The following NUAK2 variants were observed in gnomAD, a reference collection of about 807,000 sequenced individuals.
NUAK2 encodes NUAK family kinase 2, also known as NUAK family SNF1-like kinase 2.
In NUAK2, 20 loss-of-function variants were observed where a neutral mutation model predicts 29.8. The observed-to-expected ratio is 0.67, with a 90% CI of 0.47 to 0.98. The LOEUF (loss-of-function observed/expected upper bound fraction) is 0.98. Among genes scored for constraint, NUAK2 ranks in the 50% least tolerant of loss-of-function variants. NUAK2 has a pLI of 0.00. For synonymous variants in NUAK2, 331 were observed against 342.6 expected (o/e 0.97, Z 0.37); for missense variants, 719 against 834.5 (o/e 0.86, Z 1.71).
At chr1:205,315,656 C>T (rs918109404) in intron 1 of NUAK2, among the ~76,000 whole-genome samples, 25 of 152,080 alleles carry the variant, frequency 1.6e-4, no homozygotes, top group Non-Finnish European at 2.8e-4. Flanking sequence ...GCAAATCACT[C>T]GAGGCCAGAA....
rs1207104936 is a variant in NUAK2 at position 205,303,691 on chromosome 1, A to G, written c.1646T>C (p.Leu549Pro). 2 of 1,548,318 alleles carry G rather than the reference A, an allele frequency of 1.3e-6. No individual in the cohort carries two copies. The highest frequency in any genetic ancestry group is 1.7e-6 in the Non-Finnish European group (2 of 1,149,016). The change falls in exon 7 of 7, where the codon CTG becomes CCG. Residue 549 changes from leucine (L) to proline (P), a missense_variant. Transcript: ENST00000367157. ...CAGCTGGTCAAAGGACTCAGAGGACAGGATGCTGTCCTCGCTCACAGCCCC... is the reference window on the plus strand; with the variant it reads ...CAGCTGGTCAAAGGACTCAGAGGACGGGATGCTGTCCTCGCTCACAGCCCC... ...PSGAVSEDSI[L>P]SSESFDQLDL...
At chr1:205,318,411 C>A (rs1255392895) in intron 1 of NUAK2, among the ~76,000 whole-genome samples, 1 of 152,204 alleles carries the variant, frequency 6.6e-6, no homozygotes, top group Non-Finnish European at 1.5e-5. Context: ...CATCCAGGAG[C>A]CCATATTGCA....
At chr1:205,305,554 G>A (rs1662168903) in intron 5 of NUAK2, 1 of 978,034 alleles carries the variant, frequency 1.0e-6, no homozygotes, top group Non-Finnish European at 1.2e-6. Flanking sequence ...TTCCGGGCTG[G>A]GGAAGGGGTG....
At chr1:205,314,200 G>T (rs756665458) in intron 1 of NUAK2, among the ~76,000 whole-genome samples, 13 of 152,354 alleles carry the variant, frequency 8.5e-5, no homozygotes, top group African/African-American at 3.1e-4. Context: ...CAGGGATGGC[G>T]TGCCCTCCAT....
intron 1 of NUAK2, among the ~76,000 whole-genome samples, chr1:205,319,953 C>CACACA (rs1289345353): frequency 0.14 from 21,481 of 149,288 alleles, 1,553 homozygotes; most frequent in Non-Finnish European, 0.16. Flanking sequence ...ACACACACAC[C>CACACA]CCCTCACAAC....
At position 205,304,635 on chromosome 1, in the gene NUAK2, C is replaced by T; in HGVS notation, c.824-122G>A. 1 of 843,936 alleles carries T rather than the reference C, an allele frequency of 1.2e-6. No homozygotes were observed. The highest frequency in any genetic ancestry group is 1.8e-6 in the Non-Finnish European group (1 of 554,734). The allele number at this position is 843,936 out of a possible 1,614,324, so 52.3% of individuals were successfully genotyped here. A position where few individuals can be genotyped will look rare whatever the true frequency, so the allele number is the denominator to read the frequency against. ...TGCATACTCCTGGGTCGGATGCGTC[C>T]CTTCCAACCTAGGGCTCTATACATG... On this transcript the variant is annotated intron_variant, in intron 6 of 6. Coordinates refer to ENST00000367157, the MANE Select transcript of NUAK2 (RefSeq NM_030952.3). This position sits in a 1 kb window ranked among gnomAD's most constrained non-coding sequence, Gnocchi z 6.5.
chr1:205,306,039 T>G (rs1662175024), intron 5 of NUAK2, 149 bp downstream of exon 5: 1 of 1,101,224 alleles, frequency 9.1e-7, no homozygotes, highest in Admixed American at 2.5e-5. Context: ...CATTCCTGGC[T>G]AGACACCTGG....
chr1:205,308,579 A>G lies in NUAK2; in HGVS notation c.504+2T>C. 6.2e-7 allele frequency: 1 copy of G among 1,613,110 alleles called. No homozygotes were observed. Among genetic ancestry groups the G allele is most frequent in the Non-Finnish European group, 8.5e-7 (1 of 1,179,226 alleles). On this transcript the variant is annotated splice_donor_variant, in intron 3 of 6. Coordinates refer to ENST00000367157, the MANE Select transcript of NUAK2 (RefSeq NM_030952.3). LOFTEE classifies it high-confidence loss of function. This position sits in a 1 kb window ranked among gnomAD's most constrained non-coding sequence, Gnocchi z 4.1. ...ATATGGCTGGAGCAGGTAGGTGCTC[A>G]CCTGATGGCAATAGTGCACGGCAGA...
intron 1 of NUAK2, among the ~76,000 whole-genome samples, chr1:205,314,139 C>A (rs1021428743): frequency 1.3e-5 from 2 of 152,228 alleles, no homozygotes; most frequent in Non-Finnish European, 2.9e-5. Context: ...GCCCTAATCC[C>A]GTAAGAGGAG....
chr1:205,310,317 G>C (rs1447434521), intron 2 of NUAK2, among the ~76,000 whole-genome samples: 1 of 152,146 alleles, frequency 6.6e-6, no homozygotes, highest in African/African-American at 2.4e-5. Flanking sequence ...CCATAAAATC[G>C]GGAGTCAAAA....
At chr1:205,319,621 A>G (rs1464827823) in intron 1 of NUAK2, among the ~76,000 whole-genome samples, 1 of 152,198 alleles carries the variant, frequency 6.6e-6, no homozygotes, top group Non-Finnish European at 1.5e-5. Context: ...CCTGGGTCCA[A>G]CAGCCTCAAG....
chr1:205,320,616 T>C (rs1574897260), intron 1 of NUAK2, among the ~76,000 whole-genome samples: 1 of 152,326 alleles, frequency 6.6e-6, no homozygotes, highest in South Asian at 2.1e-4. Context: ...TATTTCGATC[T>C]TATTCAATCC....
Position 205,308,526 on chromosome 1 carries a change from C to CT in NUAK2, c.504+54dup, listed in dbSNP as rs1302477326. On this transcript the variant is annotated intron_variant, in intron 3 of 6. Coordinates refer to ENST00000367157, the MANE Select transcript of NUAK2 (RefSeq NM_030952.3). The surrounding 1 kb of genome is among the most constrained non-coding windows in gnomAD (Gnocchi z 4.1). ...GGAACCTCTCTGGTCCAAAACAGCCCTAGAGCCCTGGGGACCACCCACTGA... is the reference window on the plus strand; with the variant it reads ...GGAACCTCTCTGGTCCAAAACAGCCCTTAGAGCCCTGGGGACCACCCACTGA... The CT allele has an allele frequency of 1.3e-6, 2 of 1,586,380 alleles. No homozygotes were observed. Among genetic ancestry groups the CT allele is most frequent in the Non-Finnish European group, 8.6e-7 (1 of 1,157,904 alleles).
At chr1:205,305,576 T>C in intron 5 of NUAK2, 3 of 917,234 alleles carry the variant, frequency 3.3e-6, no homozygotes, top group Non-Finnish European at 2.6e-6. Context: ...TTGTGACAGA[T>C]ATCATCTCTA....
rs1436941956 is a variant in NUAK2 at position 205,308,832 on chromosome 1, A to G, written c.353-100T>C. On this transcript the variant is annotated intron_variant, in intron 2 of 6. Transcript: ENST00000367157. The surrounding 1 kb of genome is among the most constrained non-coding windows in gnomAD (Gnocchi z 4.1). ...CCCGACCCCAGGCCCCAAACCAGAC[A>G]GGACCCCCCTCCAGGAATATCTGCT... 2.2e-6 allele frequency: 3 copies of G among 1,357,052 alleles called. No homozygotes were observed. The East Asian group carries it at 7.2e-5, about 32-fold the overall frequency. 84.1% of individuals were successfully genotyped at this position (1,357,052 alleles called of 1,614,324 possible). A position where few individuals can be genotyped will look rare whatever the true frequency, so the allele number is the denominator to read the frequency against.
At position 205,319,953 on chromosome 1, in the gene NUAK2, C is replaced by CACACACACACA. The variant is rs1289345353; in HGVS notation, c.231+1444_231+1445insTGTGTGTGTGT. 8.2e-3 allele frequency among the ~76,000 whole-genome samples: 1,229 copies of CACACACACACA among 149,388 alleles called. 13 individuals carry two copies. The highest frequency in any genetic ancestry group is 0.019 in the South Asian group (88 of 4,750). ...CACACACACACACACACACACACAC[C>CACACACACACA]CCCTCACAACCAGCACCCAACTGGA... On this transcript the variant is annotated intron_variant, in intron 1 of 6. Coordinates refer to ENST00000367157, the MANE Select transcript of NUAK2 (RefSeq NM_030952.3).
rs1662209322 is a variant in NUAK2, at chr1:205,308,323, G to A, written c.505-93C>T. ...GGAGACTGAGGTAAACACAAAGGGA[G>A]CCAAGTGGGCTTGAGCACAGGTAGG... On this transcript the variant is annotated intron_variant, in intron 3 of 6. Transcript: ENST00000367157. This position sits in a 1 kb window ranked among gnomAD's most constrained non-coding sequence, Gnocchi z 4.1. 2.0e-6 allele frequency: 2 copies of A among 992,456 alleles called. No homozygotes were observed. Among genetic ancestry groups the A allele is most frequent in the Non-Finnish European group, 3.0e-6 (2 of 659,204 alleles). The allele number at this position is 992,456 out of a possible 1,614,324, so 61.5% of individuals were successfully genotyped here.
rs117014019 is a variant in NUAK2 at position 205,307,356 on chromosome 1, G to A, written c.570+809C>T. Among the ~76,000 whole-genome samples the A allele has an allele frequency of 1.2e-3, 189 of 152,248 alleles. 5 individuals are homozygous for A. The East Asian group carries it at 0.034, about 27-fold the overall frequency. Reference sequence around the variant, plus strand: ...TGTCCATGTTTGTGCCTGATTATGCGGGTTTACTGGCTCTGGCTTCCCTCC... The same window carrying A: ...TGTCCATGTTTGTGCCTGATTATGCAGGTTTACTGGCTCTGGCTTCCCTCC... On this transcript the variant is annotated intron_variant, in intron 4 of 6. Coordinates refer to ENST00000367157, the MANE Select transcript of NUAK2 (RefSeq NM_030952.3).
chr1:205,309,268 G>A (rs74733632), intron 2 of NUAK2, among the ~76,000 whole-genome samples: 4,506 of 152,186 alleles, frequency 0.03, 104 homozygotes, highest in South Asian at 0.094. Context: ...TCCAGGGCTG[G>A]CTGAGCAAGC....
Sources: gnomAD v4.1 joint callset for allele counts (sites outside exome capture counted in the v4.1 genomes callset) on GRCh38, gnomAD v4.1.1 for gene constraint, Gnocchi (gnomAD v3.1) non-coding constraint, MANE v1.5 for transcripts, NCBI Gene and HGNC (gene_info 2026-07-23, HGNC 2026-07-21) for gene names.